Variants in ARHGAP42 observed in about 807,000 individuals in gnomAD.
ARHGAP42 encodes the protein Rho GTPase activating protein 42.
ARHGAP42 carries 63 observed loss-of-function variants against 125.0 expected under a neutral mutation model. The observed-to-expected ratio is 0.50, with a 90% CI of 0.41 to 0.62. The LOEUF is 0.62. ARHGAP42 is among the 20% of genes least tolerant of loss of function. ARHGAP42 has a pLI of 0.00. For missense variants in ARHGAP42, 766 were observed against 1,024.2 expected (o/e 0.75, Z 3.44); for synonymous variants, 339 against 351.0 (o/e 0.97, Z 0.38).
At chr11:100,960,404 C>CA (rs2072693327) in intron 13 of ARHGAP42, among the ~76,000 whole-genome samples, 1 of 152,082 alleles carries the variant, frequency 6.6e-6, no homozygotes, top group Admixed American at 6.6e-5. Flanking sequence ...ACTTTAAACT[C>CA]ACTTCTAGGA....
At chr11:100,811,033 G>A (rs573464829) in intron 3 of ARHGAP42, among the ~76,000 whole-genome samples, 1 of 151,700 alleles carries the variant, frequency 6.6e-6, no homozygotes, top group Admixed American at 6.6e-5. Flanking sequence ...TTGGCTCACC[G>A]CAACTTCCGC....
At chr11:100,768,204 T>C (rs1252304304) in intron 1 of ARHGAP42, among the ~76,000 whole-genome samples, 2 of 152,184 alleles carry the variant, frequency 1.3e-5, no homozygotes. Flanking sequence ...GTGTAAAGAC[T>C]ATGTCAGTAG....
chr11:100,770,470 C>T (rs976184508), intron 2 of ARHGAP42, 32 bp downstream of exon 2: 3 of 1,385,246 alleles, frequency 2.2e-6, no homozygotes, highest in Non-Finnish European at 3.0e-6. Context: ...AGTTCTATTA[C>T]TAATATTTAT....
chr11:100,890,212 C>A (rs1047739568), intron 4 of ARHGAP42, among the ~76,000 whole-genome samples: 1 of 152,098 alleles, frequency 6.6e-6, no homozygotes, highest in African/African-American at 2.4e-5. Flanking sequence ...CTCGAGATGT[C>A]CCTCCATGGT....
chr11:100,700,479 T>C (rs563417540), intron 1 of ARHGAP42, among the ~76,000 whole-genome samples: 2 of 152,354 alleles, frequency 1.3e-5, no homozygotes, highest in South Asian at 4.1e-4. Context: ...AGAACTTCTT[T>C]CAAAGTTGCA....
rs936956988 is a variant in ARHGAP42, at chr11:100,859,715, G to T, written c.384+90G>T. 14 of 1,074,160 alleles carry T rather than the reference G, an allele frequency of 1.3e-5. No homozygotes were observed. The South Asian group carries it at 2.3e-4, about 18-fold the overall frequency. 66.5% of individuals were successfully genotyped at this position (1,074,160 alleles called of 1,614,324 possible). ...ATGTTAACATTTTTGAAATTAGAATGACCTTTTAAAAGATTTTGTACATCA... is the reference window on the plus strand; with the variant it reads ...ATGTTAACATTTTTGAAATTAGAATTACCTTTTAAAAGATTTTGTACATCA... On this transcript the variant is annotated intron_variant, in intron 4 of 23. Coordinates refer to ENST00000298815, the MANE Select transcript of ARHGAP42 (RefSeq NM_152432.4).
At chr11:100,940,034 G>T (rs1233542248) in intron 8 of ARHGAP42, among the ~76,000 whole-genome samples, 1 of 152,062 alleles carries the variant, frequency 6.6e-6, no homozygotes, top group African/African-American at 2.4e-5. Context: ...TACATCACAT[G>T]TAACAGAATT....
chr11:100,817,338 T>C (rs1284517711), intron 3 of ARHGAP42, among the ~76,000 whole-genome samples: 2 of 152,136 alleles, frequency 1.3e-5, no homozygotes, highest in African/African-American at 4.8e-5. Flanking sequence ...TTTACTGGGG[T>C]GCCTTTCTAG....
intron 1 of ARHGAP42, among the ~76,000 whole-genome samples, chr11:100,743,199 C>T (rs1250331121): frequency 6.6e-6 from 1 of 152,146 alleles, no homozygotes; most frequent in African/African-American, 2.4e-5. Context: ...TATTCTGGTG[C>T]ATATTGACCT....
intron 2 of ARHGAP42, among the ~76,000 whole-genome samples, chr11:100,786,697 G>A (rs1312940361): frequency 6.6e-6 from 1 of 152,142 alleles, no homozygotes; most frequent in East Asian, 1.9e-4. Context: ...AATCTACTGT[G>A]ACTTTCACCC....
At chr11:100,881,726 ATTTG>A (rs1246480615) in intron 4 of ARHGAP42, among the ~76,000 whole-genome samples, 1 of 151,928 alleles carries the variant, frequency 6.6e-6, no homozygotes, top group Non-Finnish European at 1.5e-5. Context: ...ATGTGTTTCT[ATTTG>A]TTTGTGTTGT....
chr11:100,919,729 T>C (rs1867182177), intron 5 of ARHGAP42, among the ~76,000 whole-genome samples: 1 of 152,100 alleles, frequency 6.6e-6, no homozygotes, highest in Admixed American at 6.6e-5. Context: ...GTAAATAAAA[T>C]TTTCAAAATA....
At position 100,791,511 on chromosome 11, in the gene ARHGAP42, G is replaced by C. The variant is rs1462271097; in HGVS notation, c.251-3594G>C. The stretch of plus-strand genomic sequence containing the variant: ...TATGGGCTTAAAAAGTTAGGCCACT[G>C]TTACTAACTCATAAAATGAATATTT... On this transcript the variant is annotated intron_variant, in intron 2 of 23. Coordinates refer to ENST00000298815, the MANE Select transcript of ARHGAP42 (RefSeq NM_152432.4). Among the ~76,000 whole-genome samples the C allele has an allele frequency of 3.3e-5, 5 of 151,932 alleles. No individual in the cohort carries two copies. The East Asian group carries it at 7.7e-4, about 23-fold the overall frequency.
chr11:100,884,267 T>TA (rs1866031445), intron 4 of ARHGAP42, among the ~76,000 whole-genome samples: 1 of 152,214 alleles, frequency 6.6e-6, no homozygotes, highest in South Asian at 2.1e-4. Context: ...CACAGCAATT[T>TA]AAAAATAAAA....
intron 6 of ARHGAP42, among the ~76,000 whole-genome samples, chr11:100,927,286 T>C (rs1867453641): frequency 6.6e-6 from 1 of 152,188 alleles, no homozygotes; most frequent in Admixed American, 6.5e-5. Context: ...TGATGTGTTT[T>C]TCTTTTTCAA....
intron 21 of ARHGAP42, 94 bp downstream of exon 21, chr11:100,977,065 T>C (rs1311519314): frequency 1.4e-6 from 2 of 1,386,370 alleles, no homozygotes; most frequent in African/African-American, 2.9e-5. Flanking sequence ...ACAAGTTGAA[T>C]ACATTGGGAA....
At chr11:100,836,725 G>GTTTTTTTTTTTTTTTTTTTTTTTTTT (rs1565234966) in intron 3 of ARHGAP42, among the ~76,000 whole-genome samples, 3 of 101,002 alleles carry the variant, frequency 3.0e-5, no homozygotes, top group Admixed American at 1.2e-4. Flanking sequence ...TTTTGTTGTT[G>GTTTTTTTTTTTTTTTTTTTTTTTTTT]TTTTCTTTTT....
intron 2 of ARHGAP42, among the ~76,000 whole-genome samples, chr11:100,791,137 C>G (rs1863558715): frequency 6.6e-6 from 1 of 152,126 alleles, no homozygotes; most frequent in Non-Finnish European, 1.5e-5. Flanking sequence ...TTCATGGTCT[C>G]TTAGGGCATT....
intron 1 of ARHGAP42, among the ~76,000 whole-genome samples, chr11:100,704,030 G>C (rs1429042066): frequency 2.0e-5 from 3 of 152,174 alleles, no homozygotes; most frequent in Admixed American, 2.0e-4. Context: ...GAAATTGATA[G>C]GACATTGCTG....
Sources: gnomAD v4.1 joint callset for allele counts (sites outside exome capture counted in the v4.1 genomes callset) on GRCh38, gnomAD v4.1.1 for gene constraint, MANE v1.5 for transcripts, NCBI Gene and HGNC (gene_info 2026-07-23, HGNC 2026-07-21) for gene names.